The following VPS8 variants were observed in gnomAD, a reference collection of about 807,000 sequenced individuals.
VPS8 encodes the protein vacuolar protein sorting-associated protein 8 homolog.
VPS8 carries 129 observed loss-of-function variants against 216.4 expected under a neutral mutation model. That is an observed-to-expected ratio of 0.60 (90% CI 0.52 to 0.69). VPS8 has a LOEUF of 0.69. VPS8 is among the 30% of genes least tolerant of loss of function. The probability of loss-of-function intolerance (pLI) is 0.00; values close to 1 mark genes in which losing one functional copy is unlikely to be tolerated. For synonymous variants in VPS8, 571 were observed against 565.4 expected (o/e 1.01, Z -0.14); for missense variants, 1,531 against 1,683.5 (o/e 0.91, Z 1.59).
At chr3:184,831,326 A>G (rs1430291100) in intron 3 of VPS8, among the ~76,000 whole-genome samples, 1 of 152,216 alleles carries the variant, frequency 6.6e-6, no homozygotes, top group African/African-American at 2.4e-5. Context: ...GGTCAACAGG[A>G]TTAAATGATG....
chr3:184,877,583 A>G (rs1467589505), intron 21 of VPS8, among the ~76,000 whole-genome samples: 1 of 152,146 alleles, frequency 6.6e-6, no homozygotes, highest in Non-Finnish European at 1.5e-5. Flanking sequence ...AGTGCTTATT[A>G]TTTACCTCCA....
intron 22 of VPS8, chr3:184,893,357 C>A: frequency 8.1e-7 from 1 of 1,228,114 alleles, no homozygotes. Flanking sequence ...CTACAATTGA[C>A]ATGATATACA....
intron 45 of VPS8, among the ~76,000 whole-genome samples, chr3:185,009,215 A>G (rs986117110): frequency 6.6e-6 from 1 of 152,232 alleles, no homozygotes; most frequent in African/African-American, 2.4e-5. Flanking sequence ...TTAGTATTTT[A>G]TAGAACTAAG....
At chr3:184,930,449 A>T (rs1740471044) in intron 33 of VPS8, 21 bp from the exon 34 acceptor site, 3 of 1,559,318 alleles carry the variant, frequency 1.9e-6, no homozygotes, top group Non-Finnish European at 2.7e-6. Flanking sequence ...TGAATAAATT[A>T]TATTGTCTTG....
At chr3:184,931,557 T>G (rs913852947) in intron 34 of VPS8, among the ~76,000 whole-genome samples, 4 of 152,184 alleles carry the variant, frequency 2.6e-5, no homozygotes, top group African/African-American at 9.6e-5. Flanking sequence ...TTGTAAAGTT[T>G]AGAAAGATCA....
At chr3:184,850,319 G>C (rs968817723) in intron 10 of VPS8, among the ~76,000 whole-genome samples, 1 of 152,162 alleles carries the variant, frequency 6.6e-6, no homozygotes, top group Admixed American at 6.5e-5. Flanking sequence ...TGCTAGACTA[G>C]AGTTTGGCCA....
intron 46 of VPS8, among the ~76,000 whole-genome samples, chr3:185,035,003 G>A (rs1485070569): frequency 2.0e-5 from 3 of 152,038 alleles, no homozygotes; most frequent in African/African-American, 7.2e-5. Flanking sequence ...TAGAGGAAAT[G>A]GATAAATTCC....
intron 40 of VPS8, among the ~76,000 whole-genome samples, chr3:184,978,510 C>T (rs1400226393): frequency 2.6e-5 from 4 of 152,006 alleles, no homozygotes; most frequent in Admixed American, 1.3e-4. Flanking sequence ...ATCCTCCCAC[C>T]TCAGTTTCCC....
intron 42 of VPS8, 40 bp from the exon 43 acceptor site, chr3:184,993,943 A>C (rs763236361): frequency 6.9e-7 from 1 of 1,439,172 alleles, no homozygotes; most frequent in South Asian, 1.4e-5. Flanking sequence ...GTAATTTTAA[A>C]ATACAGAATT....
chr3:184,868,904 G>T, intron 18 of VPS8, 42 bp from the exon 19 acceptor site: 3 of 1,554,680 alleles, frequency 1.9e-6, no homozygotes, highest in Non-Finnish European at 2.6e-6. Flanking sequence ...CTGGTGACTG[G>T]TCAGACAAAG....
rs114259875 is a variant in VPS8 at position 184,885,472 on chromosome 3, A to C, written c.1735-638A>C. On this transcript the variant is annotated intron_variant, in intron 21 of 47. Transcript: ENST00000625842. ...TGTGTGTACATGATGAATTTAAAGC[A>C]ATAAAAATATTATGAAACTGAGAAG... Among the ~76,000 whole-genome samples, 1,508 of 152,356 alleles carry C rather than the reference A, an allele frequency of 9.9e-3. 22 individuals are homozygous for C. Among genetic ancestry groups the C allele is most frequent in the African/African-American group, 0.029 (1,202 of 41,564 alleles).
At chr3:184,870,604 A>G in intron 20 of VPS8, 112 bp from the exon 21 acceptor site, 1 of 856,862 alleles carries the variant, frequency 1.2e-6, no homozygotes, top group Non-Finnish European at 1.8e-6. Flanking sequence ...TAAAATTTTC[A>G]GTTAAATTTT....
At chr3:184,930,226 T>C (rs1464430286) in intron 33 of VPS8, among the ~76,000 whole-genome samples, 1 of 152,208 alleles carries the variant, frequency 6.6e-6, no homozygotes, top group Non-Finnish European at 1.5e-5. Flanking sequence ...ACTCCTTCAT[T>C]AGGTCACTGA....
At chr3:185,015,301 A>G (rs1755633589) in intron 45 of VPS8, among the ~76,000 whole-genome samples, 1 of 152,244 alleles carries the variant, frequency 6.6e-6, no homozygotes, top group South Asian at 2.1e-4. Context: ...TGAGTGATAT[A>G]AAAAGGGTGC....
chr3:184,855,864 A>C, intron 14 of VPS8, 46 bp downstream of exon 14: 2 of 1,440,260 alleles, frequency 1.4e-6, no homozygotes, highest in East Asian at 2.3e-5. Flanking sequence ...AATTTTTTTT[A>C]TTCATCAGCA....
intron 27 of VPS8, 92 bp from the exon 28 acceptor site, chr3:184,915,263 C>A: frequency 6.8e-7 from 1 of 1,477,036 alleles, no homozygotes; most frequent in Non-Finnish European, 9.1e-7. Flanking sequence ...CTGAATTCAG[C>A]CTGCCTTTAT....
chr3:184,813,124 G>A (rs2108444968), intron 1 of VPS8, among the ~76,000 whole-genome samples: 1 of 152,198 alleles, frequency 6.6e-6, no homozygotes, highest in Non-Finnish European at 1.5e-5. Context: ...GGTGGGAGGA[G>A]GTAGGATCGG....
Position 184,949,230 on chromosome 3 carries a change from G to A in VPS8, c.3036-8144G>A, listed in dbSNP as rs546876982. 5.1e-4 allele frequency among the ~76,000 whole-genome samples: 77 copies of A among 152,140 alleles called. 1 individual carries two copies. In the South Asian group the frequency reaches 0.015, roughly 29 times the overall value. ...GAGAATTGCTTGAGCTGGGGAGGTC[G>A]CGGCTGCAGTGAGCCATGATCATGC... On this transcript the variant is annotated intron_variant, in intron 36 of 47. Coordinates refer to ENST00000625842, the MANE Select transcript of VPS8 (RefSeq NM_001009921.3).
intron 45 of VPS8, among the ~76,000 whole-genome samples, chr3:185,008,041 A>G (rs1281704685): frequency 6.6e-6 from 1 of 151,954 alleles, no homozygotes; most frequent in Non-Finnish European, 1.5e-5. Flanking sequence ...CTATATTACT[A>G]TAATTAAATA....
Sources: gnomAD v4.1 joint callset for allele counts (sites outside exome capture counted in the v4.1 genomes callset) on GRCh38, gnomAD v4.1.1 for gene constraint, MANE v1.5 for transcripts, NCBI Gene and HGNC (gene_info 2026-07-23, HGNC 2026-07-21) for gene names.